Variants in GRB14 observed in about 807,000 individuals in gnomAD.
The protein encoded by GRB14 is growth factor receptor-bound protein 14.
A neutral mutation model predicts 69.1 loss-of-function variants in GRB14; 38 were observed. The ratio of observed to expected loss-of-function variants is 0.55; its 90% CI spans 0.42 to 0.72. The LOEUF (loss-of-function observed/expected upper bound fraction) is 0.72, where lower values mean the gene tolerates loss of function less well. GRB14 is among the 30% of genes least tolerant of loss of function. The pLI is 0.00. For missense variants in GRB14, 666 were observed against 666.1 expected (o/e 1.00, Z 0.00); for synonymous variants, 247 against 241.3 (o/e 1.02, Z -0.22).
intron 3 of GRB14, 25 bp from the exon 4 acceptor site, chr2:164,527,160 TGTTGACA>T: frequency 9.9e-7 from 1 of 1,010,880 alleles, no homozygotes; most frequent in African/African-American, 1.7e-5. Context: ...TCAATGAGTA[TGTTGACA>T]GATAGACAAA....
intron 9 of GRB14, 97 bp downstream of exon 9, chr2:164,502,158 T>C (rs1687071653): frequency 6.5e-6 from 4 of 614,944 alleles, no homozygotes; most frequent in Non-Finnish European, 1.2e-5. Context: ...CAACAGAAAA[T>C]AACATAAATT....
At chr2:164,538,265 G>A (rs1259282251) in intron 3 of GRB14, among the ~76,000 whole-genome samples, 3 of 152,096 alleles carry the variant, frequency 2.0e-5, no homozygotes, top group African/African-American at 4.8e-5. Context: ...GTAGGTATGC[G>A]CTTGAGGTAT....
chr2:164,608,369 T>A (rs936538735), intron 2 of GRB14, among the ~76,000 whole-genome samples: 3 of 148,798 alleles, frequency 2.0e-5, no homozygotes, highest in Non-Finnish European at 3.0e-5. Flanking sequence ...AGACTCCCTC[T>A]AAAAAAAAAG....
intron 2 of GRB14, among the ~76,000 whole-genome samples, chr2:164,552,899 A>G (rs1463004122): frequency 6.6e-6 from 1 of 152,178 alleles, no homozygotes; most frequent in East Asian, 1.9e-4. Flanking sequence ...TGTGAAGATG[A>G]CCACTCCTGA....
intron 8 of GRB14, among the ~76,000 whole-genome samples, chr2:164,506,869 G>C (rs1687204739): frequency 6.6e-6 from 1 of 152,130 alleles, no homozygotes; most frequent in African/African-American, 2.4e-5. Flanking sequence ...GTAAAAGTCA[G>C]AAACAAAAGG....
At chr2:164,508,881 C>T (rs1687265861) in intron 6 of GRB14, 29 bp from the exon 7 acceptor site, 3 of 1,387,396 alleles carry the variant, frequency 2.2e-6, no homozygotes, top group African/African-American at 1.5e-5. Context: ...GACATGGATA[C>T]ATATTTTTGC....
At chr2:164,537,011 C>T (rs918083904) in intron 3 of GRB14, among the ~76,000 whole-genome samples, 1 of 152,098 alleles carries the variant, frequency 6.6e-6, no homozygotes, top group Non-Finnish European at 1.5e-5. Context: ...AGCAAGCATC[C>T]TGATCATCTC....
At position 164,517,298 on chromosome 2, in the gene GRB14, C is replaced by T. The variant is rs546138272; in HGVS notation, c.816+4682G>A. Among the ~76,000 whole-genome samples the T allele has an allele frequency of 2.6e-5, 4 of 152,136 alleles. No homozygotes were observed. In the South Asian group the frequency reaches 6.2e-4, roughly 24 times the overall value. ...CTGCTCCCATGATTCAATTATCTCCCGCCAAGTCCCACACACAGCACATGG... is the reference window on the plus strand; with the variant it reads ...CTGCTCCCATGATTCAATTATCTCCTGCCAAGTCCCACACACAGCACATGG... On this transcript the variant is annotated intron_variant, in intron 6 of 13. Coordinates refer to ENST00000263915, the MANE Select transcript of GRB14 (RefSeq NM_004490.3).
chr2:164,609,150 C>T (rs1343358704), intron 2 of GRB14, among the ~76,000 whole-genome samples: 1 of 152,242 alleles, frequency 6.6e-6, no homozygotes, highest in African/African-American at 2.4e-5. Context: ...AACCCACCTC[C>T]TTCAAGACTG....
chr2:164,573,989 T>C, intron 2 of GRB14: 2 of 1,573,834 alleles, frequency 1.3e-6, no homozygotes, highest in Non-Finnish European at 1.7e-6. Context: ...AAGCCAGATG[T>C]TGGCCATGAA....
chr2:164,570,761 T>G (rs1308759172), intron 2 of GRB14, among the ~76,000 whole-genome samples: 1 of 152,170 alleles, frequency 6.6e-6, no homozygotes, highest in Non-Finnish European at 1.5e-5. Context: ...TAAAGCCTGT[T>G]AAACACTATG....
At chr2:164,610,689 A>G (rs1389910284) in intron 2 of GRB14, among the ~76,000 whole-genome samples, 1 of 152,038 alleles carries the variant, frequency 6.6e-6, no homozygotes, top group Admixed American at 6.5e-5. Flanking sequence ...TTAACTATGT[A>G]TCTTCAATAA....
rs540452652 is a variant in GRB14 at position 164,617,579 on chromosome 2, A to T, written c.324+2108T>A. ...TCTTTCTCTTTTGTCCCCTATACTA[A>T]CATAAGCATACCAACACCTCTTCTC... On this transcript the variant is annotated intron_variant, in intron 2 of 13. Transcript: ENST00000263915. Among the ~76,000 whole-genome samples the T allele has an allele frequency of 2.2e-4, 33 of 152,184 alleles. No individual in the cohort carries two copies. The South Asian group carries it at 6.9e-3, about 32-fold the overall frequency.
At position 164,493,058 on chromosome 2, in the gene GRB14, T is replaced by G. The variant is rs924760817; in HGVS notation, c.1601A>C (p.Tyr534Ser). 3 of 1,613,592 alleles carry G rather than the reference T, an allele frequency of 1.9e-6. No individual in the cohort carries two copies. Among genetic ancestry groups the G allele is most frequent in the Non-Finnish European group, 2.5e-6 (3 of 1,179,638 alleles). The change falls in exon 14 of 14, where the codon TAT becomes TCT. Residue 534 changes from tyrosine (Y) to serine (S), a missense_variant. By Grantham distance (144) the Tyr-to-Ser change is moderately radical (BLOSUM62 -2). Coordinates refer to ENST00000263915, the MANE Select transcript of GRB14 (RefSeq NM_004490.3). ...KGVLPCKLKHYCARIAL is the reference protein window; with the variant it reads ...KGVLPCKLKHSCARIAL ...TGTCTAGAGAGCAATCCTAGCACAA[T>G]AATGTTTCAACTTGCAAGGAAGAAC...
intron 6 of GRB14, among the ~76,000 whole-genome samples, chr2:164,512,155 ATTTG>A (rs748585297): frequency 1.6e-4 from 24 of 151,976 alleles, no homozygotes; most frequent in East Asian, 5.8e-4. Flanking sequence ...TTTTTTGTTT[ATTTG>A]TTTGTTTGTT....
intron 2 of GRB14, among the ~76,000 whole-genome samples, chr2:164,617,884 C>G (rs1690337269): frequency 6.7e-6 from 1 of 149,508 alleles, no homozygotes; most frequent in Admixed American, 6.8e-5. Context: ...TTAAATTCTT[C>G]CAGATGACCA....
rs1686801629 is a variant in GRB14 at position 164,493,143 on chromosome 2, C to A, written c.1516G>T (p.Gly506Cys). Residue 506 changes from glycine to cysteine, a missense_variant, in exon 14 of 14, where the codon GGC becomes TGC. Coordinates refer to ENST00000263915, the MANE Select transcript of GRB14 (RefSeq NM_004490.3). Reference sequence around the variant, plus strand: ...ATTAGATCTGTAAATCTTGTGTGGCCATCATCCAGTGTGTGGAACATTTCA... The same window carrying A: ...ATTAGATCTGTAAATCTTGTGTGGCAATCATCCAGTGTGTGGAACATTTCA... The part of the protein sequence containing the change: ...DGEMFHTLDD[G>C]HTRFTDLIQL... The A allele has an allele frequency of 6.2e-7, 1 of 1,613,400 alleles. No individual in the cohort carries two copies. The highest frequency in any genetic ancestry group is 1.3e-5 in the African/African-American group (1 of 74,992).
intron 2 of GRB14, among the ~76,000 whole-genome samples, chr2:164,617,944 C>G (rs1275165537): frequency 8.7e-6 from 1 of 114,694 alleles, no homozygotes; most frequent in African/African-American, 3.6e-5. Flanking sequence ...CAAGGACAAG[C>G]CAGAATCTTT....
Position 164,526,613 on chromosome 2 carries a change from T to C in GRB14, c.603+401A>G, listed in dbSNP as rs115405662. Among the ~76,000 whole-genome samples the C allele has an allele frequency of 2.9e-3, 448 of 152,192 alleles. 1 individual carries two copies. The highest frequency in any genetic ancestry group is 0.01 in the African/African-American group (435 of 41,568). ...AGCTATTTAAATTTCCTAAATTCTATAGAAAGTGTTAAGATATAATATTTT... is the reference window on the plus strand; with the variant it reads ...AGCTATTTAAATTTCCTAAATTCTACAGAAAGTGTTAAGATATAATATTTT... On this transcript the variant is annotated intron_variant, in intron 4 of 13. Coordinates refer to ENST00000263915, the MANE Select transcript of GRB14 (RefSeq NM_004490.3).
Sources: gnomAD v4.1 joint callset for allele counts (sites outside exome capture counted in the v4.1 genomes callset) on GRCh38, gnomAD v4.1.1 for gene constraint, MANE v1.5 for transcripts, NCBI Gene and HGNC (gene_info 2026-07-23, HGNC 2026-07-21) for gene names.